The following IARS2 variants were observed in gnomAD, a reference collection of about 807,000 sequenced individuals.
IARS2 encodes the protein isoleucyl-tRNA synthetase 2, mitochondrial.
Under a neutral mutation model 126.3 loss-of-function variants are expected in IARS2, and 56 were observed. That is an observed-to-expected ratio of 0.44 (90% CI 0.36 to 0.55). The LOEUF (loss-of-function observed/expected upper bound fraction) is 0.55. Among genes scored for constraint, IARS2 ranks in the 20% least tolerant of loss-of-function variants. IARS2 has a pLI of 0.00. For synonymous variants in IARS2, 407 were observed against 441.1 expected, an observed-to-expected ratio of 0.92 and a Z score of 0.97; for missense variants, 1,127 against 1,245.9, an observed-to-expected ratio of 0.90 and a Z score of 1.44.
chr1:220,111,048 ATG>A, intron 11 of IARS2, 111 bp downstream of exon 11: 1 of 977,186 alleles, frequency 1.0e-6, no homozygotes. Context: ...TGCTGCTATT[ATG>A]ATTTAGTTTC....
intron 21 of IARS2, 115 bp downstream of exon 21, chr1:220,143,249 A>T (rs555379660): frequency 1.7e-6 from 1 of 583,968 alleles, no homozygotes; most frequent in Admixed American, 3.2e-5. Context: ...GTGTAACTTT[A>T]CTATGCAATT....
In IARS2 at chr1:220,110,926, A is replaced by G; in HGVS notation, c.1468A>G (p.Thr490Ala). ...GTTTATAAACATCACGGATATTAAG[A>G]CTGCAGCCAAGGTATAAAAAGCATC... ...QWFINITDIK[T>A]AAKELLKKVK... Residue 490 changes from threonine (T) to alanine (A), a missense_variant, in exon 11 of 23, where the codon ACT (threonine) becomes GCT (alanine). Physicochemically the swap from Thr to Ala is moderately conservative, Grantham distance 58 (BLOSUM62 0). Transcript: ENST00000366922. 1 of 1,612,474 alleles carries G rather than the reference A, an allele frequency of 6.2e-7. No homozygotes were observed. Among genetic ancestry groups the G allele is most frequent in the East Asian group, 2.2e-5 (1 of 44,870 alleles).
chr1:220,139,062 A>G lies in IARS2; in HGVS notation c.2230A>G (p.Thr744Ala). 1 of 1,613,460 alleles carries G rather than the reference A, an allele frequency of 6.2e-7. No homozygotes were observed. Among genetic ancestry groups the G allele is most frequent in the East Asian group, 2.2e-5 (1 of 44,834 alleles). Residue 744 changes from threonine to alanine, a missense_variant, in exon 18 of 23, where the codon ACA (threonine) becomes GCA (alanine). Physicochemically the swap from Thr to Ala is moderately conservative, Grantham distance 58. Coordinates refer to ENST00000366922, the MANE Select transcript of IARS2 (RefSeq NM_018060.4). ...LGNVADFNPE[T>A]DSIPVNDMYV... ...AAATGTGGCTGATTTCAACCCAGAA[A>G]CAGATTCCATCCCTGTAAACGATAT... is the stretch of plus-strand genomic sequence containing the variant.
intron 21 of IARS2, chr1:220,144,420 AC>A (rs1657549529): frequency 1.8e-6 from 1 of 549,736 alleles, no homozygotes; most frequent in African/African-American, 1.9e-5. Flanking sequence ...TTTCTAAAAA[AC>A]ATCCATCTTA....
In IARS2 at chr1:220,103,523, A is replaced by G. The variant is rs371011410; in HGVS notation, c.1027A>G (p.Thr343Ala). The G allele has an allele frequency of 1.7e-5, 27 of 1,613,238 alleles. No individual in the cohort carries two copies. The highest frequency in any genetic ancestry group is 1.2e-4 in the Admixed American group (7 of 60,004). The change falls in exon 8 of 23, where the codon ACT (threonine) becomes GCT (alanine). Residue 343 changes from threonine (T) to alanine (A), a missense_variant. By Grantham distance (58) the Thr-to-Ala change is moderately conservative. Coordinates refer to ENST00000366922, the MANE Select transcript of IARS2 (RefSeq NM_018060.4). The part of the protein sequence containing the change: ...AADKVASVAS[T>A]LETTFETIST... ...AGATAAAGTAGCATCTGTTGCTTCT[A>G]CTTTGGAAACAACATTTGAGACTAT...
At chr1:220,141,493 G>T (rs1211329488) in intron 19 of IARS2, among the ~76,000 whole-genome samples, 1 of 152,168 alleles carries the variant, frequency 6.6e-6, no homozygotes, top group Non-Finnish European at 1.5e-5. Flanking sequence ...AATAACATTG[G>T]AGTGGGTGGG....
chr1:220,145,143 C>T (rs890385489), intron 21 of IARS2, among the ~76,000 whole-genome samples: 1 of 151,090 alleles, frequency 6.6e-6, no homozygotes, highest in Non-Finnish European at 1.5e-5. Flanking sequence ...AGTTCCACCA[C>T]GTATGGGTTG....
chr1:220,118,902 T>C (rs1025804607), intron 12 of IARS2, among the ~76,000 whole-genome samples: 9 of 152,170 alleles, frequency 5.9e-5, no homozygotes, highest in Non-Finnish European at 2.9e-5. Flanking sequence ...AGGATTAAAC[T>C]AAAAATAGAA....
chr1:220,102,085 G>C (rs545199797), intron 3 of IARS2, 44 bp from the exon 4 acceptor site: 1 of 1,539,332 alleles, frequency 6.5e-7, no homozygotes, highest in Non-Finnish European at 8.9e-7. Flanking sequence ...TTAAGAATTC[G>C]AATTCATTGG....
chr1:220,103,872 AAGG>A (rs1320711034), intron 8 of IARS2, among the ~76,000 whole-genome samples: 1 of 152,244 alleles, frequency 6.6e-6, no homozygotes, highest in Non-Finnish European at 1.5e-5. Flanking sequence ...AGTAGCAAGA[AAGG>A]AAATGCATAT....
chr1:220,097,889 C>CTTTTTTTTTTTTTTTTTTTTT (rs1238820201), intron 2 of IARS2, among the ~76,000 whole-genome samples: 1 of 151,344 alleles, frequency 6.6e-6, no homozygotes, highest in African/African-American at 2.4e-5. Context: ...TGTTGTTGTT[C>CTTTTTTTTTTTTTTTTTTTTT]TTTGAGACAG....
At chr1:220,120,502 A>G (rs1657019125) in intron 12 of IARS2, among the ~76,000 whole-genome samples, 1 of 151,174 alleles carries the variant, frequency 6.6e-6, no homozygotes, top group Non-Finnish European at 1.5e-5. Flanking sequence ...AGCACCCCCC[A>G]AGTAGCTGAG....
chr1:220,117,954 C>T, intron 12 of IARS2: 1 of 504,078 alleles, frequency 2.0e-6, no homozygotes, highest in Middle Eastern at 3.2e-4. Context: ...TATACCATTT[C>T]TGAATGATGA....
chr1:220,131,289 G>A (rs968330626), intron 14 of IARS2, among the ~76,000 whole-genome samples: 2 of 151,998 alleles, frequency 1.3e-5, no homozygotes, highest in Admixed American at 6.6e-5. Flanking sequence ...TGATTCTCCT[G>A]CCTGAGCCTC....
Position 220,096,054 on chromosome 1 carries a change from G to A in IARS2, c.268-50G>A, listed in dbSNP as rs775415296. The A allele has an allele frequency of 5.6e-6, 6 of 1,062,442 alleles. No homozygotes were observed. The African/African-American group carries it at 9.6e-5, about 17-fold the overall frequency. 65.8% of individuals were successfully genotyped at this position (1,062,442 alleles called of 1,614,324 possible). A position where few individuals can be genotyped will look rare whatever the true frequency, so the allele number is the denominator to read the frequency against. ...TGGCTGTTATTTATGGTTAGACTCA[G>A]GAGTATGTATTTATATGATGTTTAG... On this transcript the variant is annotated intron_variant, in intron 1 of 22. Transcript: ENST00000366922.
chr1:220,116,177 C>G (rs1221211882), intron 12 of IARS2, among the ~76,000 whole-genome samples: 1 of 152,136 alleles, frequency 6.6e-6, no homozygotes, highest in African/African-American at 2.4e-5. Context: ...CCAATGCACT[C>G]CAGCCTGGAT....
chr1:220,094,577 C>T lies in IARS2; in HGVS notation c.267+94C>T, dbSNP rs944472123. 2.9e-5 allele frequency: 32 copies of T among 1,088,796 alleles called. No individual in the cohort carries two copies. In the Admixed American group the frequency reaches 8.0e-4, roughly 27 times the overall value. The allele number at this position is 1,088,796 out of a possible 1,614,324, so 67.4% of individuals were successfully genotyped here. On this transcript the variant is annotated intron_variant, in intron 1 of 22. Transcript: ENST00000366922. ...AGGCGCCACACCTCTAGGCTCCACG[C>T]CGGTGCGGGTGGGCGGGGGTGTGAC...
chr1:220,139,019 A>C lies in IARS2; in HGVS notation c.2187A>C (p.Thr729=). 6.2e-7 allele frequency: 1 copy of C among 1,613,390 alleles called. No individual in the cohort carries two copies. The highest frequency in any genetic ancestry group is 8.5e-7 in the Non-Finnish European group (1 of 1,179,718). ...CTTCCTATGAATAGCTTAGGAATACACTTCGCTTTCTTTTGGGAAATGTGG... is the reference window on the plus strand; with the variant it reads ...CTTCCTATGAATAGCTTAGGAATACCCTTCGCTTTCTTTTGGGAAATGTGG... ...ARDDISKLRN[T]LRFLLGNVAD... Residue 729 remains threonine, a synonymous_variant, in exon 18 of 23, where the codon ACA becomes ACC. Transcript: ENST00000366922.
intron 2 of IARS2, among the ~76,000 whole-genome samples, chr1:220,096,682 T>G (rs971562981): frequency 3.9e-5 from 6 of 152,136 alleles, no homozygotes; most frequent in African/African-American, 1.4e-4. Flanking sequence ...CAGTGGAAAT[T>G]TTGGGGAGGA....
Sources: gnomAD v4.1 joint callset for allele counts (sites outside exome capture counted in the v4.1 genomes callset) on GRCh38, gnomAD v4.1.1 for gene constraint, MANE v1.5 for transcripts, NCBI Gene and HGNC (gene_info 2026-07-23, HGNC 2026-07-21) for gene names.